The following AFAP1 variants were observed in gnomAD, a reference collection of about 807,000 sequenced individuals.
AFAP1 encodes the protein actin filament associated protein 1.
AFAP1 carries 75 observed loss-of-function variants against 93.9 expected under a neutral mutation model. The observed-to-expected ratio is 0.80, with a 90% CI of 0.66 to 0.97. The LOEUF is 0.97. Among genes scored for constraint, AFAP1 ranks in the 50% least tolerant of loss-of-function variants. The pLI is 0.00. For synonymous variants in AFAP1, 517 were observed against 430.7 expected, an observed-to-expected ratio of 1.20 and a Z score of -2.48; for missense variants, 1,201 against 1,050.8, an observed-to-expected ratio of 1.14 and a Z score of -1.98.
intron 9 of AFAP1, among the ~76,000 whole-genome samples, chr4:7,801,483 A>G (rs1230147446): frequency 1.3e-4 from 20 of 152,180 alleles, no homozygotes; most frequent in Admixed American, 1.2e-3. Context: ...TTCACTTGTT[A>G]CAAACATAAA....
rs1721615093 is a variant in AFAP1 at position 7,939,578 on chromosome 4, C to T, written c.-3+78G>A. 1 of 389,068 alleles carries T rather than the reference C, an allele frequency of 2.6e-6. No individual in the cohort carries two copies. The highest frequency in any genetic ancestry group is 1.8e-5 in the South Asian group (1 of 56,490). The allele number at this position is 389,068 out of a possible 1,614,324, so 24.1% of individuals were successfully genotyped here. A position where few individuals can be genotyped will look rare whatever the true frequency, so the allele number is the denominator to read the frequency against. On this transcript the variant is annotated intron_variant, in intron 1 of 17. Transcript: ENST00000420658. This position sits in a 1 kb window ranked among gnomAD's most constrained non-coding sequence, Gnocchi z 5.6. ...CGCACGGACCCCGGACCCTGCGGAG[C>T]CCCGCTCGGAGCTTCCACGCCCGGG...
intron 6 of AFAP1, among the ~76,000 whole-genome samples, chr4:7,820,068 C>T (rs1424354165): frequency 1.3e-5 from 2 of 152,302 alleles, no homozygotes; most frequent in East Asian, 3.9e-4. Context: ...TAGGGAAATC[C>T]ATGAGAGGAC....
chr4:7,891,660 T>C (rs1170400880), intron 1 of AFAP1, among the ~76,000 whole-genome samples: 11 of 148,026 alleles, frequency 7.4e-5, no homozygotes, highest in Non-Finnish European at 1.5e-4. Context: ...TTGATATTCA[T>C]GAGTGAGTCT....
At chr4:7,766,914 G>C (rs1560142597) in intron 17 of AFAP1, among the ~76,000 whole-genome samples, 1 of 152,128 alleles carries the variant, frequency 6.6e-6, no homozygotes, top group Non-Finnish European at 1.5e-5. Context: ...CCGAGAGTTG[G>C]AAGGTATTTC....
chr4:7,819,655 A>G (rs1720790892), intron 6 of AFAP1, among the ~76,000 whole-genome samples: 1 of 152,158 alleles, frequency 6.6e-6, no homozygotes, highest in African/African-American at 2.4e-5. Flanking sequence ...CCTGCGGTGG[A>G]TGTGAAGAGT....
intron 1 of AFAP1, among the ~76,000 whole-genome samples, chr4:7,898,815 G>GTGTGTGTA (rs1268821379): frequency 6.6e-6 from 1 of 150,854 alleles, no homozygotes; most frequent in East Asian, 2.0e-4. Flanking sequence ...AGAAGTGTGT[G>GTGTGTGTA]TGTGTGTGTG....
chr4:7,858,863 G>A (rs917161881), intron 3 of AFAP1, among the ~76,000 whole-genome samples: 1 of 152,158 alleles, frequency 6.6e-6, no homozygotes, highest in African/African-American at 2.4e-5. Context: ...CAGGTCCACA[G>A]ACAACAAAGC....
intron 3 of AFAP1, among the ~76,000 whole-genome samples, chr4:7,857,751 A>G (rs1292335312): frequency 6.6e-6 from 1 of 152,230 alleles, no homozygotes; most frequent in Non-Finnish European, 1.5e-5. Flanking sequence ...ATGGTCAAAC[A>G]AACTATTCAT....
chr4:7,814,428 G>A (rs772550316), intron 8 of AFAP1, among the ~76,000 whole-genome samples: 3 of 152,172 alleles, frequency 2.0e-5, no homozygotes, highest in Non-Finnish European at 4.4e-5. Context: ...GTATTTACCC[G>A]AGGGAAATGA....
Position 7,778,804 on chromosome 4 carries a change from T to C in AFAP1, c.1855A>G (p.Lys619Glu), listed in dbSNP as rs1716429780. Residue 619 changes from lysine to glutamate, a missense_variant, in exon 14 of 18, where the codon AAG (lysine) becomes GAG (glutamate). Coordinates refer to ENST00000420658, the MANE Select transcript of AFAP1 (RefSeq NM_001134647.2). ...GKGKTLSSQP[K>E]KADPAAVVKR... The stretch of plus-strand genomic sequence containing the variant: ...ACAACAGCCGCGGGATCCGCTTTCT[T>C]TGGCTGACTGCTCAGAGTCTTCCCT... The C allele has an allele frequency of 1.9e-6, 3 of 1,614,238 alleles. No homozygotes were observed. Among genetic ancestry groups the C allele is most frequent in the Non-Finnish European group, 2.5e-6 (3 of 1,180,042 alleles).
intron 13 of AFAP1, among the ~76,000 whole-genome samples, chr4:7,780,274 C>T (rs943070831): frequency 3.9e-5 from 6 of 152,210 alleles, no homozygotes; most frequent in Admixed American, 2.6e-4. Context: ...TCTGAACAAC[C>T]GTCATGAAAA....
intron 11 of AFAP1, among the ~76,000 whole-genome samples, chr4:7,789,375 G>C (rs925620607): frequency 1.3e-5 from 2 of 151,560 alleles, no homozygotes; most frequent in African/African-American, 2.4e-5. Context: ...TCCCATCTGT[G>C]AATCTCTCCA....
chr4:7,767,129 C>T (rs1714713299), intron 17 of AFAP1, among the ~76,000 whole-genome samples: 1 of 152,236 alleles, frequency 6.6e-6, no homozygotes, highest in Non-Finnish European at 1.5e-5. Flanking sequence ...CTCAGTCCGT[C>T]CCCTTCTGAT....
At chr4:7,875,471 G>A (rs1421656411) in intron 1 of AFAP1, among the ~76,000 whole-genome samples, 1 of 152,072 alleles carries the variant, frequency 6.6e-6, no homozygotes. Context: ...CTTTAAAAAT[G>A]GACGAGGCAT....
chr4:7,770,217 A>T (rs1033248242), intron 16 of AFAP1, among the ~76,000 whole-genome samples: 11 of 152,212 alleles, frequency 7.2e-5, no homozygotes, highest in African/African-American at 2.7e-4. Flanking sequence ...GATACTTGGG[A>T]CAAAGGAGAA....
At chr4:7,876,004 G>A (rs936344656) in intron 1 of AFAP1, among the ~76,000 whole-genome samples, 1 of 152,070 alleles carries the variant, frequency 6.6e-6, no homozygotes, top group Non-Finnish European at 1.5e-5. Flanking sequence ...GAAATGGATG[G>A]TGAATATACC....
intron 1 of AFAP1, among the ~76,000 whole-genome samples, chr4:7,901,170 T>C (rs888126457): frequency 5.3e-5 from 8 of 152,194 alleles, no homozygotes; most frequent in Non-Finnish European, 1.0e-4. Context: ...CCACAAGGCA[T>C]ACTCTAAATA....
At chr4:7,817,497 A>G (rs1353838847) in intron 7 of AFAP1, among the ~76,000 whole-genome samples, 1 of 152,226 alleles carries the variant, frequency 6.6e-6, no homozygotes, top group African/African-American at 2.4e-5. Flanking sequence ...AGGCTGAGAC[A>G]GGAGAATGAC....
chr4:7,875,845 G>C (rs1013378341), intron 1 of AFAP1, among the ~76,000 whole-genome samples: 1 of 152,072 alleles, frequency 6.6e-6, no homozygotes, highest in Non-Finnish European at 1.5e-5. Flanking sequence ...CAAATATTAC[G>C]AGTCTACTTA....
Sources: gnomAD v4.1 joint callset for allele counts (sites outside exome capture counted in the v4.1 genomes callset) on GRCh38, gnomAD v4.1.1 for gene constraint, Gnocchi (gnomAD v3.1) non-coding constraint, MANE v1.5 for transcripts, NCBI Gene and HGNC (gene_info 2026-07-23, HGNC 2026-07-21) for gene names.